HDLBP: variants seen among roughly 807,000 people sequenced by gnomAD.
HDLBP encodes vigilin.
In HDLBP, 30 loss-of-function variants were observed where a neutral mutation model predicts 137.3. The ratio of observed to expected loss-of-function variants is 0.22; its 90% CI spans 0.16 to 0.30. HDLBP has a LOEUF of 0.30. Among genes scored for constraint, HDLBP ranks in the 10% least tolerant of loss-of-function variants. The pLI is 1.00. For missense variants in HDLBP, 1,119 were observed against 1,667.3 expected (o/e 0.67, Z 5.73); for synonymous variants, 606 against 596.0 (o/e 1.02, Z -0.24).
chr2:241,229,559 T>C lies in HDLBP; in HGVS notation c.*42A>G. 6.8e-7 allele frequency: 1 copy of C among 1,460,018 alleles called. No individual in the cohort carries two copies. The highest frequency in any genetic ancestry group is 9.6e-7 in the Non-Finnish European group (1 of 1,043,854). 90.4% of individuals were successfully genotyped at this position (1,460,018 alleles called of 1,614,324 possible). ...TGAGACAAACCATTGTGTGGTTGGG[T>C]TTGGGTCAGCAGGCTGGAGAGGGTT... is the stretch of plus-strand genomic sequence containing the variant. On this transcript the variant is annotated 3_prime_UTR_variant, in exon 28 of 28. Transcript: ENST00000310931.
In HDLBP at chr2:241,239,893, C is replaced by T; in HGVS notation, c.2391+8G>A. 6.2e-7 allele frequency: 1 copy of T among 1,613,766 alleles called. No homozygotes were observed. Among genetic ancestry groups the T allele is most frequent in the Non-Finnish European group, 8.5e-7 (1 of 1,179,656 alleles). On this transcript the variant is annotated splice_region_variant and intron_variant, in intron 18 of 27. Coordinates refer to ENST00000310931, the MANE Select transcript of HDLBP (RefSeq NM_005336.6). The surrounding 1 kb of genome is among the most constrained non-coding windows in gnomAD (Gnocchi z 4.6). ...CAGCAGAGTCGGCCGCCGAGGCCCGCTCCCTACCAGGTTTTGGATCAAGGC... is the reference window on the plus strand; with the variant it reads ...CAGCAGAGTCGGCCGCCGAGGCCCGTTCCCTACCAGGTTTTGGATCAAGGC...
At chr2:241,237,937 T>G (rs1005422461) in intron 20 of HDLBP, among the ~76,000 whole-genome samples, 1 of 152,256 alleles carries the variant, frequency 6.6e-6, no homozygotes, top group Non-Finnish European at 1.5e-5. Flanking sequence ...GTGTGTGACA[T>G]GCTTCCTGGA....
chr2:241,272,269 C>T lies in HDLBP; in HGVS notation c.-102-3728G>A. ...CCGCCGCCACCTGGGGGGAAGGACCCCGCTGGCCTCCCAGGGACCCCCACC... is the reference window on the plus strand; with the variant it reads ...CCGCCGCCACCTGGGGGGAAGGACCTCGCTGGCCTCCCAGGGACCCCCACC... On this transcript the variant is annotated intron_variant, in intron 1 of 27. Coordinates refer to ENST00000310931, the MANE Select transcript of HDLBP (RefSeq NM_005336.6). The surrounding 1 kb of genome is among the most constrained non-coding windows in gnomAD (Gnocchi z 5.6). 1 of 975,838 alleles carries T rather than the reference C, an allele frequency of 1.0e-6. No homozygotes were observed. The allele number at this position is 975,838 out of a possible 1,614,324, so 60.4% of individuals were successfully genotyped here.
intron 22 of HDLBP, 40 bp from the exon 23 acceptor site, chr2:241,235,295 G>C: frequency 6.2e-7 from 1 of 1,613,868 alleles, no homozygotes. Flanking sequence ...CAGGACCCCA[G>C]AGAACAGGAA....
At chr2:241,287,382 C>A (rs991175109) in intron 1 of HDLBP, among the ~76,000 whole-genome samples, 50 of 151,424 alleles carry the variant, frequency 3.3e-4, no homozygotes, top group African/African-American at 1.2e-3. Context: ...GCTGGAATTA[C>A]AGGCATAAGC....
Position 241,239,709 on chromosome 2 carries a change from C to A in HDLBP, c.2503G>T (p.Val835Phe). ...EIAEEYGGVM[V>F]SFPRSGTQSD... is the part of the protein sequence containing the mutation. The stretch of plus-strand genomic sequence containing the variant: ...TGTGTGCCAGAGCGTGGGAAGCTGA[C>A]CATCACCCCGCCATACTCTTCAGCA... Residue 835 changes from valine to phenylalanine, a missense_variant, in exon 19 of 28, where the codon GTC becomes TTC. Coordinates refer to ENST00000310931, the MANE Select transcript of HDLBP (RefSeq NM_005336.6). This position sits in a 1 kb window ranked among gnomAD's most constrained non-coding sequence, Gnocchi z 4.6. 6.2e-7 allele frequency: 1 copy of A among 1,614,178 alleles called. No individual in the cohort carries two copies. The highest frequency in any genetic ancestry group is 8.5e-7 in the Non-Finnish European group (1 of 1,180,038).
intron 24 of HDLBP, chr2:241,231,404 AAAAC>A (rs2069735311): frequency 1.3e-5 from 2 of 153,156 alleles, no homozygotes; most frequent in Admixed American, 1.3e-4. Flanking sequence ...AAACAAAAAA[AAAAC>A]ACCCCACAAA....
intron 1 of HDLBP, among the ~76,000 whole-genome samples, chr2:241,293,369 C>T (rs568962768): frequency 1.0e-3 from 153 of 152,254 alleles, no homozygotes; most frequent in African/African-American, 3.5e-3. Context: ...ATGGCACACA[C>T]CTGTAGTCCC....
At chr2:241,286,970 G>A (rs1349151157) in intron 1 of HDLBP, among the ~76,000 whole-genome samples, 1 of 150,064 alleles carries the variant, frequency 6.7e-6, no homozygotes, top group Admixed American at 6.7e-5. Context: ...AAGAAAACAT[G>A]TAGAATCCAG....
At chr2:241,274,905 C>T (rs902968325) in intron 1 of HDLBP, among the ~76,000 whole-genome samples, 2 of 152,036 alleles carry the variant, frequency 1.3e-5, no homozygotes, top group African/African-American at 4.8e-5. Context: ...TGGGTCTGCT[C>T]AAGGTAGGAG....
intron 1 of HDLBP, among the ~76,000 whole-genome samples, chr2:241,282,607 C>T (rs1168002186): frequency 6.6e-6 from 1 of 152,224 alleles, no homozygotes; most frequent in African/African-American, 2.4e-5. Flanking sequence ...TTCCATGCCT[C>T]TTTTCCAACA....
At chr2:241,250,045 T>C (rs561363649) in intron 11 of HDLBP, 65 bp from the exon 12 acceptor site, 4 of 1,498,378 alleles carry the variant, frequency 2.7e-6, no homozygotes, top group Non-Finnish European at 3.6e-6. Flanking sequence ...ATGACATAAC[T>C]GGGCAGGACA....
chr2:241,251,484 C>A (rs533664908), intron 11 of HDLBP, among the ~76,000 whole-genome samples: 29 of 152,188 alleles, frequency 1.9e-4, no homozygotes, highest in Non-Finnish European at 2.4e-4. Context: ...AAAACGGATA[C>A]ACGGACGTCA....
chr2:241,296,737 A>C (rs2149675988), intron 1 of HDLBP, among the ~76,000 whole-genome samples: 1 of 152,400 alleles, frequency 6.6e-6, no homozygotes, highest in South Asian at 2.1e-4. Context: ...GGGGGAAAAA[A>C]GACTACTCAA....
intron 1 of HDLBP, among the ~76,000 whole-genome samples, chr2:241,270,543 G>T (rs2073970896): frequency 6.6e-6 from 1 of 152,218 alleles, no homozygotes; most frequent in South Asian, 2.1e-4. Context: ...TGTAAATGCA[G>T]ACCCTGTCCC....
rs375913949 is a variant in HDLBP at position 241,237,200 on chromosome 2, C to T, written c.2750-431G>A. Among the ~76,000 whole-genome samples the T allele has an allele frequency of 1.6e-4, 25 of 152,220 alleles. No homozygotes were observed. The East Asian group carries it at 2.1e-3, about 13-fold the overall frequency. On this transcript the variant is annotated intron_variant, in intron 20 of 27. Transcript: ENST00000310931. ...TCAGGGAAGGCGGCCAGCACGCAGC[C>T]CCACCCAGGAGAGGCAGTGGGAAGG...
chr2:241,308,470 G>C (rs1330427794), intron 1 of HDLBP, among the ~76,000 whole-genome samples: 1 of 152,234 alleles, frequency 6.6e-6, no homozygotes, highest in Non-Finnish European at 1.5e-5. Flanking sequence ...TAGTCACACA[G>C]TAGACAACGT....
At chr2:241,307,701 A>G (rs1350565097) in intron 1 of HDLBP, among the ~76,000 whole-genome samples, 1 of 152,190 alleles carries the variant, frequency 6.6e-6, no homozygotes, top group Non-Finnish European at 1.5e-5. Flanking sequence ...TTAAATAAAA[A>G]TAGGATCTTA....
intron 1 of HDLBP, among the ~76,000 whole-genome samples, chr2:241,303,254 G>C (rs1220115084): frequency 1.3e-5 from 2 of 152,174 alleles, no homozygotes; most frequent in Admixed American, 6.5e-5. Flanking sequence ...GCGTCCTGCT[G>C]GTGCAGGGTG....
Sources: gnomAD v4.1 joint callset for allele counts (sites outside exome capture counted in the v4.1 genomes callset) on GRCh38, gnomAD v4.1.1 for gene constraint, Gnocchi (gnomAD v3.1) non-coding constraint, MANE v1.5 for transcripts, NCBI Gene and HGNC (gene_info 2026-07-23, HGNC 2026-07-21) for gene names.